Variants in LTBP1 observed in about 807,000 individuals in gnomAD.
LTBP1 encodes the protein latent transforming growth factor beta binding protein 1, also known as latent-transforming growth factor beta-binding protein 1.
A neutral mutation model predicts 207.6 loss-of-function variants in LTBP1; 129 were observed. The ratio of observed to expected loss-of-function variants is 0.62; its 90% CI spans 0.54 to 0.72. LTBP1 has a LOEUF of 0.72. Ranked by LOEUF, LTBP1 falls within the 30% of genes least tolerant of loss-of-function variation. LTBP1 has a pLI of 0.00. For missense variants in LTBP1, 2,281 were observed against 2,217.2 expected, an observed-to-expected ratio of 1.03 and a Z score of -0.58; for synonymous variants, 963 against 833.7, an observed-to-expected ratio of 1.16 and a Z score of -2.67.
intron 2 of LTBP1, among the ~76,000 whole-genome samples, chr2:33,019,196 G>A (rs1688804642): frequency 6.6e-6 from 1 of 152,004 alleles, no homozygotes; most frequent in East Asian, 1.9e-4. Context: ...AACAGTTTAT[G>A]TAAAAGGTGA....
intron 3 of LTBP1, among the ~76,000 whole-genome samples, chr2:33,078,071 T>A (rs1171708078): frequency 2.0e-5 from 3 of 152,156 alleles, no homozygotes; most frequent in Non-Finnish European, 4.4e-5. Flanking sequence ...TGGAGGAAGG[T>A]CACATCTAGA....
chr2:33,051,555 T>A (rs1331749382), intron 3 of LTBP1, among the ~76,000 whole-genome samples: 1 of 152,200 alleles, frequency 6.6e-6, no homozygotes, highest in Non-Finnish European at 1.5e-5. Context: ...TAATTGAGAC[T>A]GAGAATTCTC....
chr2:33,020,975 C>T lies in LTBP1; in HGVS notation c.632C>T (p.Pro211Leu), dbSNP rs1469975376. 1 of 1,612,034 alleles carries T rather than the reference C, an allele frequency of 6.2e-7. No homozygotes were observed. Among genetic ancestry groups the T allele is most frequent in the Non-Finnish European group, 8.5e-7 (1 of 1,178,544 alleles). The change falls in exon 3 of 34, where the codon CCA becomes CTA. Residue 211 changes from proline (P) to leucine (L), a missense_variant. Physicochemically the swap from Pro to Leu is moderately conservative, Grantham distance 98. Transcript: ENST00000404816. ...CLRPQLCVCK[P>L]GTKGKACETI... ...CGGCCACAACTCTGTGTGTGTAAAC[C>T]AGGGACCAAGGGCAAAGCCTGTGAA... is the stretch of plus-strand genomic sequence containing the variant.
chr2:33,140,297 TGG>T (rs752577179), intron 5 of LTBP1, among the ~76,000 whole-genome samples: 7,369 of 152,302 alleles, frequency 0.048, 256 homozygotes, highest in Middle Eastern at 0.14. Flanking sequence ...GGCAAGCATA[TGG>T]AGTTTTTTCT....
chr2:33,006,900 C>T (rs1309919589), intron 2 of LTBP1, among the ~76,000 whole-genome samples: 1 of 152,122 alleles, frequency 6.6e-6, no homozygotes, highest in African/African-American at 2.4e-5. Flanking sequence ...TGCTGTCTAG[C>T]TTCCTTCCAT....
At chr2:33,237,982 A>G (rs552230629) in intron 9 of LTBP1, among the ~76,000 whole-genome samples, 1 of 152,162 alleles carries the variant, frequency 6.6e-6, no homozygotes, top group Non-Finnish European at 1.5e-5. Context: ...ACCCTATAGA[A>G]TATCTTCATG....
chr2:33,150,056 C>G (rs2083385835), intron 5 of LTBP1, among the ~76,000 whole-genome samples: 1 of 152,098 alleles, frequency 6.6e-6, no homozygotes, highest in African/African-American at 2.4e-5. Context: ...AAAAGAAAAA[C>G]CTCTTTGGGG....
At chr2:33,113,499 T>C (rs2080534834) in intron 4 of LTBP1, among the ~76,000 whole-genome samples, 1 of 152,210 alleles carries the variant, frequency 6.6e-6, no homozygotes, top group Non-Finnish European at 1.5e-5. Context: ...ACTAACCAAG[T>C]TGCTAGTGAG....
intron 3 of LTBP1, among the ~76,000 whole-genome samples, chr2:33,084,417 G>A (rs1425126721): frequency 6.6e-6 from 1 of 152,098 alleles, no homozygotes; most frequent in Non-Finnish European, 1.5e-5. Flanking sequence ...GAGGCGTCCT[G>A]GAGGCTTCTG....
At chr2:33,065,673 A>G (rs1434855493) in intron 3 of LTBP1, among the ~76,000 whole-genome samples, 10 of 152,136 alleles carry the variant, frequency 6.6e-5, no homozygotes, top group African/African-American at 1.9e-4. Context: ...GATGAGGAAT[A>G]TTGGTCTGTG....
chr2:33,307,746 A>G (rs1434932071), intron 22 of LTBP1, among the ~76,000 whole-genome samples: 1 of 152,264 alleles, frequency 6.6e-6, no homozygotes, highest in Non-Finnish European at 1.5e-5. Flanking sequence ...ACAAATTCAC[A>G]TCACCTGTGT....
Position 33,300,521 on chromosome 2 carries a change from G to A in LTBP1, c.3306G>A (p.Arg1102=), listed in dbSNP as rs151280632. The change falls in exon 21 of 34, where the codon AGG becomes AGA. Residue 1102 remains arginine (R), a synonymous_variant. Coordinates refer to ENST00000404816, the MANE Select transcript of LTBP1 (RefSeq NM_206943.4). The part of the protein sequence containing the change: ...GQCKNTEGSF[R]CTCGQGYQLS... ...GCAAAAATACCGAGGGCTCCTTCAG[G>A]TGCACCTGTGGACAGGGGTACCAGC... 1.6e-4 allele frequency: 262 copies of A among 1,613,816 alleles called. No individual in the cohort carries two copies. Among genetic ancestry groups the A allele is most frequent in the Non-Finnish European group, 2.0e-4 (240 of 1,179,800 alleles).
intron 31 of LTBP1, among the ~76,000 whole-genome samples, chr2:33,373,120 GACA>G (rs1254490454): frequency 1.3e-5 from 2 of 152,166 alleles, no homozygotes; most frequent in African/African-American, 4.8e-5. Flanking sequence ...TGATAAACGG[GACA>G]ACTAGTGTGT....
intron 4 of LTBP1, among the ~76,000 whole-genome samples, chr2:33,115,125 TATAC>T (rs1195885402): frequency 2.2e-5 from 3 of 137,850 alleles, no homozygotes; most frequent in East Asian, 2.5e-4. Flanking sequence ...CACACATATA[TATAC>T]ACACACACAC....
chr2:33,334,451 C>G (rs1326843060), intron 24 of LTBP1, among the ~76,000 whole-genome samples: 1 of 152,152 alleles, frequency 6.6e-6, no homozygotes, highest in Non-Finnish European at 1.5e-5. Context: ...GCACAAAACT[C>G]AGTTTGGAAG....
At chr2:32,973,339 A>C (rs915601652) in intron 2 of LTBP1, among the ~76,000 whole-genome samples, 1 of 152,194 alleles carries the variant, frequency 6.6e-6, no homozygotes, top group Non-Finnish European at 1.5e-5. Context: ...AGGTGTATAT[A>C]TACTTAGTAT....
chr2:32,982,362 A>G (rs1248390546), intron 2 of LTBP1, among the ~76,000 whole-genome samples: 1 of 152,204 alleles, frequency 6.6e-6, no homozygotes, highest in Non-Finnish European at 1.5e-5. Flanking sequence ...GGCAGAATAT[A>G]AAAGTTTGGA....
intron 15 of LTBP1, among the ~76,000 whole-genome samples, chr2:33,270,505 G>T (rs1191893145): frequency 6.6e-6 from 1 of 150,986 alleles, no homozygotes; most frequent in South Asian, 2.1e-4. Context: ...CAGGAGAATG[G>T]CGTGAACCCG....
chr2:33,009,210 G>C (rs1234917497), intron 2 of LTBP1, among the ~76,000 whole-genome samples: 1 of 152,144 alleles, frequency 6.6e-6, no homozygotes, highest in East Asian at 1.9e-4. Flanking sequence ...AAAATGGTCA[G>C]ATTCAGGATG....
Sources: allele counts gnomAD v4.1 joint callset (sites outside exome capture counted in the v4.1 genomes callset), GRCh38; gene constraint gnomAD v4.1.1; transcripts MANE v1.5; gene names NCBI Gene and HGNC (gene_info 2026-07-23, HGNC 2026-07-21).